The following NR3C2 variants were observed in gnomAD, a reference collection of about 807,000 sequenced individuals.
NR3C2 encodes nuclear receptor subfamily 3 group C member 2.
In NR3C2, 15 loss-of-function variants were observed where a neutral mutation model predicts 86.4. That is an observed-to-expected ratio of 0.17 (90% CI 0.12 to 0.27). The LOEUF is 0.27. NR3C2 is among the 10% of genes least tolerant of loss of function. The probability of loss-of-function intolerance (pLI) is 1.00; values close to 1 mark genes in which losing one functional copy is unlikely to be tolerated. For synonymous variants in NR3C2, 458 were observed against 450.5 expected, an observed-to-expected ratio of 1.02 and a Z score of -0.21; for missense variants, 960 against 1,195.6, an observed-to-expected ratio of 0.80 and a Z score of 2.91.
At chr4:148,095,866 C>T (rs1314244592) in intron 8 of NR3C2, among the ~76,000 whole-genome samples, 1 of 152,122 alleles carries the variant, frequency 6.6e-6, no homozygotes, top group African/African-American at 2.4e-5. Context: ...AAAACTCATC[C>T]CGGCCCCCAT....
intron 2 of NR3C2, among the ~76,000 whole-genome samples, chr4:148,286,665 A>T (rs747002336): frequency 9.8e-5 from 15 of 152,340 alleles, no homozygotes; most frequent in South Asian, 4.1e-4. Context: ...TTTCAGGTAC[A>T]AAGATGTTTT....
chr4:148,372,032 T>C (rs1187436510), intron 2 of NR3C2, among the ~76,000 whole-genome samples: 3 of 152,158 alleles, frequency 2.0e-5, no homozygotes, highest in South Asian at 4.1e-4. Context: ...GGATAAACTA[T>C]TGCTCATGTA....
chr4:148,157,354 C>T (rs919149936), intron 4 of NR3C2, among the ~76,000 whole-genome samples: 3 of 151,980 alleles, frequency 2.0e-5, no homozygotes, highest in Admixed American at 6.6e-5. Flanking sequence ...TTACTAATGC[C>T]AGGCACTGTT....
At chr4:148,200,496 A>T (rs1313049031) in intron 3 of NR3C2, among the ~76,000 whole-genome samples, 1 of 152,118 alleles carries the variant, frequency 6.6e-6, no homozygotes, top group East Asian at 1.9e-4. Flanking sequence ...AGAACTGATG[A>T]TTCTCCCTTC....
chr4:148,338,456 T>A (rs1744596975), intron 2 of NR3C2, among the ~76,000 whole-genome samples: 1 of 152,240 alleles, frequency 6.6e-6, no homozygotes, highest in African/African-American at 2.4e-5. Context: ...GATGAAATCT[T>A]ACTATGCACT....
intron 2 of NR3C2, among the ~76,000 whole-genome samples, chr4:148,388,384 C>T (rs532469166): frequency 6.6e-6 from 1 of 152,170 alleles, no homozygotes; most frequent in African/African-American, 2.4e-5. Context: ...TTCCCTTGGG[C>T]GTCACATTGG....
At chr4:148,203,841 G>C (rs1236086163) in intron 3 of NR3C2, among the ~76,000 whole-genome samples, 1 of 152,166 alleles carries the variant, frequency 6.6e-6, no homozygotes, top group Non-Finnish European at 1.5e-5. Flanking sequence ...AGGTTTATGA[G>C]TGGGCCTGGA....
chr4:148,318,480 A>C (rs1055801327), intron 2 of NR3C2, among the ~76,000 whole-genome samples: 5 of 149,236 alleles, frequency 3.4e-5, no homozygotes, highest in Non-Finnish European at 7.4e-5. Context: ...GAACTAGTTT[A>C]CAGTCCCACC....
intron 4 of NR3C2, among the ~76,000 whole-genome samples, chr4:148,183,257 T>C (rs1735727770): frequency 6.6e-6 from 1 of 152,234 alleles, no homozygotes; most frequent in Admixed American, 6.5e-5. Context: ...GTCTTTGCTA[T>C]TGTGAATAGT....
At chr4:148,272,172 G>A (rs192575872) in intron 2 of NR3C2, among the ~76,000 whole-genome samples, 1 of 152,190 alleles carries the variant, frequency 6.6e-6, no homozygotes, top group East Asian at 1.9e-4. Context: ...AGCAAGGGGT[G>A]GTGGCGGTTT....
chr4:148,315,049 T>TC (rs1268166246), intron 2 of NR3C2, among the ~76,000 whole-genome samples: 2 of 152,188 alleles, frequency 1.3e-5, no homozygotes, highest in Non-Finnish European at 2.9e-5. Context: ...TTTGACAGTA[T>TC]CAAAGATGTT....
At chr4:148,081,928 C>G (rs1314564715) in intron 8 of NR3C2, among the ~76,000 whole-genome samples, 1 of 152,186 alleles carries the variant, frequency 6.6e-6, no homozygotes, top group Non-Finnish European at 1.5e-5. Flanking sequence ...CTAAGCACCA[C>G]AGATGCCCAG....
At chr4:148,217,022 C>T (rs930675445) in intron 3 of NR3C2, among the ~76,000 whole-genome samples, 3 of 152,146 alleles carry the variant, frequency 2.0e-5, no homozygotes, top group African/African-American at 7.2e-5. Flanking sequence ...TAAATTATAT[C>T]AAGAGCAAAA....
chr4:148,259,310 C>T (rs188946807), intron 3 of NR3C2, among the ~76,000 whole-genome samples: 3 of 152,290 alleles, frequency 2.0e-5, no homozygotes, highest in East Asian at 1.9e-4. Flanking sequence ...CTGATGGTAA[C>T]TAACTGCTTA....
intron 3 of NR3C2, among the ~76,000 whole-genome samples, chr4:148,234,430 G>C (rs575272358): frequency 6.6e-6 from 1 of 152,214 alleles, no homozygotes; most frequent in African/African-American, 2.4e-5. Flanking sequence ...CCAGCACTTT[G>C]GAAGGCTGAG....
Position 148,134,637 on chromosome 4 carries a change from C to T in NR3C2, c.2511-14349G>A, listed in dbSNP as rs868586121. 6.2e-3 allele frequency among the ~76,000 whole-genome samples: 384 copies of T among 61,828 alleles called. 8 individuals are homozygous for T. Among genetic ancestry groups the T allele is most frequent in the African/African-American group, 0.021 (366 of 17,228 alleles). 40.6% of individuals were successfully genotyped at this position (61,828 alleles called of 152,430 possible). ...TAGCTCCCTGTGATTCTCTCTCTCTCTCTCTCTTTTTTTTTTTTTTTTTTT... is the reference window on the plus strand; with the variant it reads ...TAGCTCCCTGTGATTCTCTCTCTCTTTCTCTCTTTTTTTTTTTTTTTTTTT... On this transcript the variant is annotated intron_variant, in intron 6 of 8. Transcript: ENST00000358102.
At chr4:148,358,616 TATA>T (rs769986541) in intron 2 of NR3C2, among the ~76,000 whole-genome samples, 24 of 118,616 alleles carry the variant, frequency 2.0e-4, no homozygotes, top group Non-Finnish European at 3.6e-4. Flanking sequence ...GAACTTAAAG[TATA>T]ATAACAAATA....
rs1365146773 is a variant in NR3C2, at chr4:148,078,929, A to G, written c.*2415T>C. On this transcript the variant is annotated 3_prime_UTR_variant, in exon 9 of 9. Coordinates refer to ENST00000358102, the MANE Select transcript of NR3C2 (RefSeq NM_000901.5). Reference sequence around the variant, plus strand: ...GAACTGTACCAAACCAAGATTTTTAAGAGCAATATGGTACAAAAATAAGAG... The same window carrying G: ...GAACTGTACCAAACCAAGATTTTTAGGAGCAATATGGTACAAAAATAAGAG... The G allele has an allele frequency of 1.3e-5, 2 of 152,664 alleles. No individual in the cohort carries two copies. Among genetic ancestry groups the G allele is most frequent in the East Asian group, 3.8e-4 (2 of 5,196 alleles). The allele number at this position is 152,664 out of a possible 1,614,324, so 9.5% of individuals were successfully genotyped here.
intron 2 of NR3C2, among the ~76,000 whole-genome samples, chr4:148,348,881 A>G (rs1226913988): frequency 6.6e-6 from 1 of 152,084 alleles, no homozygotes; most frequent in East Asian, 1.9e-4. Context: ...ATTTTCTTCT[A>G]CCTATTTTAA....
Sources: allele counts gnomAD v4.1 joint callset (sites outside exome capture counted in the v4.1 genomes callset), GRCh38; gene constraint gnomAD v4.1.1; transcripts MANE v1.5; gene names NCBI Gene and HGNC (gene_info 2026-07-23, HGNC 2026-07-21).